TRIO: variants seen among roughly 807,000 people sequenced by gnomAD.
TRIO encodes the protein triple functional domain protein.
TRIO carries 58 observed loss-of-function variants against 351.9 expected under a neutral mutation model. The observed-to-expected ratio is 0.16, with a 90% CI of 0.13 to 0.21. The LOEUF (loss-of-function observed/expected upper bound fraction) is 0.21. Among genes scored for constraint, TRIO ranks in the 10% least tolerant of loss-of-function variants. The pLI, the probability that TRIO is intolerant of heterozygous loss-of-function variation, is 1.00. For synonymous variants in TRIO, 1,758 were observed against 1,595.7 expected, an observed-to-expected ratio of 1.10 and a Z score of -2.42; for missense variants, 3,201 against 4,027.8, an observed-to-expected ratio of 0.79 and a Z score of 5.56.
chr5:14,428,274 A>G (rs1300646979), intron 34 of TRIO, among the ~76,000 whole-genome samples: 1 of 152,220 alleles, frequency 6.6e-6, no homozygotes, highest in Non-Finnish European at 1.5e-5. Context: ...TTCATGCCAA[A>G]TTGCCACTGT....
intron 3 of TRIO, among the ~76,000 whole-genome samples, chr5:14,283,512 C>T (rs954773938): frequency 1.3e-5 from 2 of 152,192 alleles, no homozygotes; most frequent in Non-Finnish European, 2.9e-5. Flanking sequence ...TTCCTGTAAT[C>T]TTGCATGGTG....
At chr5:14,267,011 A>G (rs745604939) in intron 1 of TRIO, among the ~76,000 whole-genome samples, 2 of 152,202 alleles carry the variant, frequency 1.3e-5, no homozygotes, top group African/African-American at 2.4e-5. Flanking sequence ...TGTATTTCAG[A>G]TAGTAGCAAA....
intron 34 of TRIO, among the ~76,000 whole-genome samples, chr5:14,443,017 A>C (rs909194730): frequency 3.9e-5 from 6 of 152,254 alleles, no homozygotes; most frequent in African/African-American, 9.6e-5. Flanking sequence ...CTTTCTGTAG[A>C]GGGAATTTTT....
chr5:14,445,724 C>T (rs1181808450), intron 34 of TRIO, among the ~76,000 whole-genome samples: 1 of 152,200 alleles, frequency 6.6e-6, no homozygotes, highest in African/African-American at 2.4e-5. Context: ...AGGCAACTTC[C>T]CCTTCCTCTT....
intron 30 of TRIO, 35 bp from the exon 31 acceptor site, chr5:14,400,928 C>G (rs1240626170): frequency 6.3e-7 from 1 of 1,595,654 alleles, no homozygotes; most frequent in African/African-American, 1.3e-5. Context: ...TAGAATTTTA[C>G]TGTCACCTAA....
chr5:14,145,322 G>A (rs919693310), intron 1 of TRIO, among the ~76,000 whole-genome samples: 1 of 152,194 alleles, frequency 6.6e-6, no homozygotes, highest in Non-Finnish European at 1.5e-5. Flanking sequence ...ATCTTTGCTA[G>A]GCGGGGTTAT....
rs1387795489 is a variant in TRIO, at chr5:14,406,666, C to T, written c.4953C>T (p.Ser1651=). The T allele has an allele frequency of 5.0e-6, 8 of 1,613,614 alleles. No individual in the cohort carries two copies. Among genetic ancestry groups the T allele is most frequent in the African/African-American group, 2.7e-5 (2 of 74,904 alleles). Residue 1651 remains serine (S), a synonymous_variant, in exon 33 of 57, where the codon AGC becomes AGT. Transcript: ENST00000344204. ...ASRTSQNTLD[S]DKLSGGCELT... ...GGACGTCTCAGAACACGCTGGACAG[C>T]GATAAGGTGAGTCACTGCCGGCACT...
At chr5:14,500,853 C>T (rs1049707079) in intron 53 of TRIO, among the ~76,000 whole-genome samples, 16 of 140,240 alleles carry the variant, frequency 1.1e-4, no homozygotes, top group Non-Finnish European at 4.5e-5. Context: ...TGCACCACTG[C>T]GCTCCATCCT....
intron 11 of TRIO, among the ~76,000 whole-genome samples, chr5:14,351,925 C>T (rs77327731): frequency 0.11 from 16,123 of 152,270 alleles, 1,561 homozygotes; most frequent in African/African-American, 0.26. Context: ...CAGCCAGGTC[C>T]TCTAGGCATC....
chr5:14,410,852 C>A (rs1237597893), intron 33 of TRIO, among the ~76,000 whole-genome samples: 3 of 152,206 alleles, frequency 2.0e-5, no homozygotes, highest in Admixed American at 1.3e-4. Context: ...GGCCATGAGC[C>A]ACAGGCCCCA....
intron 34 of TRIO, among the ~76,000 whole-genome samples, chr5:14,456,370 G>A (rs1473005306): frequency 6.6e-6 from 1 of 152,264 alleles, no homozygotes; most frequent in Admixed American, 6.5e-5. Flanking sequence ...CAGAGCAGAA[G>A]TGGAGGTGGT....
intron 3 of TRIO, among the ~76,000 whole-genome samples, chr5:14,284,831 C>T (rs765632744): frequency 5.9e-5 from 9 of 152,182 alleles, no homozygotes; most frequent in African/African-American, 1.7e-4. Context: ...CTTTGGTGTA[C>T]GGCAGCAGAA....
At chr5:14,502,035 C>A (rs1047761608) in intron 53 of TRIO, among the ~76,000 whole-genome samples, 1 of 152,130 alleles carries the variant, frequency 6.6e-6, no homozygotes, top group Non-Finnish European at 1.5e-5. Flanking sequence ...TAATAAAATC[C>A]TCTTTGTAGT....
chr5:14,485,988 C>CAA (rs376098052), intron 47 of TRIO, among the ~76,000 whole-genome samples: 2 of 139,082 alleles, frequency 1.4e-5, no homozygotes, highest in Non-Finnish European at 3.1e-5. Flanking sequence ...AACTCTGTCT[C>CAA]AAAAAAAAAA....
intron 31 of TRIO, among the ~76,000 whole-genome samples, chr5:14,401,675 C>G (rs1561444953): frequency 6.6e-6 from 1 of 152,184 alleles, no homozygotes; most frequent in African/African-American, 2.4e-5. Context: ...GATTTGAACT[C>G]TGTTTTGATT....
chr5:14,448,124 T>C (rs929297064), intron 34 of TRIO, among the ~76,000 whole-genome samples: 2 of 152,214 alleles, frequency 1.3e-5, no homozygotes, highest in African/African-American at 4.8e-5. Context: ...ATTTGTTTTG[T>C]TTTGTTTTGT....
chr5:14,276,654 T>C (rs1735544616), intron 2 of TRIO, among the ~76,000 whole-genome samples: 1 of 152,248 alleles, frequency 6.6e-6, no homozygotes, highest in Admixed American at 6.5e-5. Flanking sequence ...ATCATTTCAA[T>C]TGAAACAAGC....
At position 14,508,234 on chromosome 5, in the gene TRIO, G is replaced by T; in HGVS notation, c.9106G>T (p.Ala3036Ser). The part of the protein sequence containing the change: ...FVCFLLQEDP[A>S]KRPSAALALQ... ...GTGCTTCCTCCTGCAGGAGGACCCC[G>T]CCAAGCGTCCCTCGGCTGCGCTGGC... The change falls in exon 57 of 57, where the codon GCC (alanine) becomes TCC (serine). Residue 3036 changes from alanine to serine, a missense_variant. Around this residue, in one of 19 missense-constraint regions of TRIO, gnomAD observed 233 missense variants for 292.6 expected, o/e 0.80. Transcript: ENST00000344204. 3.1e-6 allele frequency: 5 copies of T among 1,614,048 alleles called. No homozygotes were observed. The highest frequency in any genetic ancestry group is 4.2e-6 in the Non-Finnish European group (5 of 1,180,036).
chr5:14,293,250 T>C (rs993973207), intron 6 of TRIO, 116 bp downstream of exon 6: 36 of 1,426,354 alleles, frequency 2.5e-5, no homozygotes, highest in Middle Eastern at 2.3e-4. Flanking sequence ...CTGTTGATTG[T>C]AGCAGCTGAC....
Sources: allele counts gnomAD v4.1 joint callset (sites outside exome capture counted in the v4.1 genomes callset), GRCh38; gene constraint gnomAD v4.1.1; regional missense constraint gnomAD v4.1.1; transcripts MANE v1.5; gene names NCBI Gene and HGNC (gene_info 2026-07-23, HGNC 2026-07-21).